The following FABP12 variants were observed in gnomAD, a reference collection of about 807,000 sequenced individuals.
The protein encoded by FABP12 is fatty acid-binding protein 12.
Under a neutral mutation model 13.7 loss-of-function variants are expected in FABP12, and 19 were observed. The observed-to-expected ratio is 1.39, with a 90% CI of 0.97 to 2.04. The LOEUF (loss-of-function observed/expected upper bound fraction) is 2.04, where lower values mean the gene tolerates loss of function less well. Among genes scored for constraint, FABP12 ranks in the 30% most tolerant of loss-of-function variants. The pLI is 0.00. For missense variants in FABP12, 182 were observed against 164.2 expected (o/e 1.11, Z -0.59); for synonymous variants, 61 against 57.0 (o/e 1.07, Z -0.32).
At chr8:81,576,031 T>A (rs1810039148) in intron 1 of FABP12, among the ~76,000 whole-genome samples, 1 of 152,212 alleles carries the variant, frequency 6.6e-6, no homozygotes, top group Non-Finnish European at 1.5e-5. Context: ...AAACAAAACA[T>A]CTTAGCTGAT....
At chr8:81,550,749 A>T (rs946744837) in intron 1 of FABP12, among the ~76,000 whole-genome samples, 6 of 152,212 alleles carry the variant, frequency 3.9e-5, no homozygotes, top group African/African-American at 1.4e-4. Flanking sequence ...GGAGAGTCAG[A>T]AAAATTACCA....
At chr8:81,563,167 G>A (rs1158130976) in intron 1 of FABP12, among the ~76,000 whole-genome samples, 2 of 152,310 alleles carry the variant, frequency 1.3e-5, no homozygotes, top group East Asian at 1.9e-4. Context: ...TCTTATCCAA[G>A]TCCACCAAGG....
intron 1 of FABP12, among the ~76,000 whole-genome samples, chr8:81,579,348 T>TC (rs1563558746): frequency 6.6e-6 from 1 of 152,140 alleles, no homozygotes; most frequent in East Asian, 1.9e-4. Flanking sequence ...GGAGATATCC[T>TC]CTTTAGATAA....
rs75532469 is a variant in FABP12, at chr8:81,549,481, T to C, written c.-184-9738A>G. Among the ~76,000 whole-genome samples, 1,103 of 152,296 alleles carry C rather than the reference T, an allele frequency of 7.2e-3. 22 individuals carry two copies. Among genetic ancestry groups the C allele is most frequent in the African/African-American group, 0.025 (1,054 of 41,568 alleles). ...ACAGAGCAAACACCAGTGTATAGCG[T>C]TGGTCAATCCCAGTTGTTCTTTTCT... On this transcript the variant is annotated intron_variant, in intron 1 of 5. Coordinates refer to the FABP12 transcript ENST00000692030.
intron 1 of FABP12, among the ~76,000 whole-genome samples, chr8:81,571,136 G>T (rs940628765): frequency 1.3e-5 from 2 of 152,212 alleles, no homozygotes; most frequent in African/African-American, 4.8e-5. Context: ...GCATGAACAC[G>T]CTAGGCCAGG....
chr8:81,545,071 A>T (rs755491891), intron 1 of FABP12, among the ~76,000 whole-genome samples: 1 of 152,096 alleles, frequency 6.6e-6, no homozygotes, highest in Non-Finnish European at 1.5e-5. Context: ...CCCAGGCTGG[A>T]GTGCAATGGT....
intron 1 of FABP12, among the ~76,000 whole-genome samples, chr8:81,564,459 A>G (rs1486430702): frequency 6.6e-6 from 1 of 152,140 alleles, no homozygotes; most frequent in African/African-American, 2.4e-5. Flanking sequence ...AGATAAACCA[A>G]CAAAAATAAC....
In FABP12 at chr8:81,526,955, A is replaced by G. The variant is rs74730211; in HGVS notation, c.348+65T>C. On this transcript the variant is annotated intron_variant, in intron 4 of 4. Coordinates refer to ENST00000360464, the Ensembl canonical transcript of FABP12. Reference sequence around the variant, plus strand: ...TGGCATTCATTTTCATTGTTTGAGAACAAGTTGTGATTTTATATTAGTCGT... The same window carrying G: ...TGGCATTCATTTTCATTGTTTGAGAGCAAGTTGTGATTTTATATTAGTCGT... 2,334 of 909,326 alleles carry G rather than the reference A, an allele frequency of 2.6e-3. 29 individuals are homozygous for G. The African/African-American group carries it at 0.033, about 13-fold the overall frequency. The allele number at this position is 909,326 out of a possible 1,614,324, so 56.3% of individuals were successfully genotyped here. A position where few individuals can be genotyped will look rare whatever the true frequency, so the allele number is the denominator to read the frequency against.
At chr8:81,583,548 T>C (rs945270743) in intron 1 of FABP12, among the ~76,000 whole-genome samples, 4 of 152,046 alleles carry the variant, frequency 2.6e-5, no homozygotes, top group Admixed American at 1.3e-4. Flanking sequence ...AAGAGCATCA[T>C]AGATTATTAT....
At chr8:81,525,174 T>C in intron 4 of FABP12, 54 bp from the exon 5 acceptor site, 1 of 1,212,916 alleles carries the variant, frequency 8.2e-7, no homozygotes, top group South Asian at 1.3e-5. Context: ...AAATTAACAT[T>C]TAGAAAAGTG....
chr8:81,584,456 C>G (rs1411239320), intron 1 of FABP12, among the ~76,000 whole-genome samples: 1 of 152,194 alleles, frequency 6.6e-6, no homozygotes, highest in Admixed American at 6.5e-5. Context: ...ACAGCAGATA[C>G]CTACAGTTTT....
At chr8:81,536,502 T>G (rs74460938), upstream of FABP12, among the ~76,000 whole-genome samples, 1 of 152,186 alleles carries the variant, frequency 6.6e-6, no homozygotes, top group Non-Finnish European at 1.5e-5. Flanking sequence ...TCTGTAGATA[T>G]TGGCATGCAA....
exon 5 of FABP12, chr8:81,525,033 G>A (rs1479547129): frequency 6.4e-7 from 1 of 1,569,856 alleles, no homozygotes; most frequent in Middle Eastern, 1.7e-4. Flanking sequence ...TTGGATGACA[G>A]CTTGAGAAAG....
chr8:81,555,472 A>G (rs1456736716), intron 1 of FABP12, among the ~76,000 whole-genome samples: 1 of 152,246 alleles, frequency 6.6e-6, no homozygotes, highest in African/African-American at 2.4e-5. Context: ...AAAAATTTAC[A>G]ATAAGATACT....
intron 1 of FABP12, among the ~76,000 whole-genome samples, chr8:81,559,578 C>A (rs1304036837): frequency 6.6e-6 from 1 of 152,136 alleles, no homozygotes; most frequent in African/African-American, 2.4e-5. Flanking sequence ...TGCCATGAGT[C>A]TAGTTTTCTG....
At chr8:81,540,395 C>G (rs1437310885) in intron 1 of FABP12, among the ~76,000 whole-genome samples, 4 of 152,200 alleles carry the variant, frequency 2.6e-5, no homozygotes, top group Admixed American at 2.0e-4. Flanking sequence ...AGTTTAATAT[C>G]CCCAGTGTAA....
intron 4 of FABP12, chr8:81,526,353 T>C (rs1808898496): frequency 6.6e-6 from 1 of 152,148 alleles, no homozygotes; most frequent in Non-Finnish European, 1.5e-5. Flanking sequence ...TGGGAAACCA[T>C]CTGAAAGGGA....
At chr8:81,539,340 AATAATAATT>A (rs1281543575) in intron 2 of FABP12, among the ~76,000 whole-genome samples, 1 of 150,420 alleles carries the variant, frequency 6.6e-6, no homozygotes, top group Non-Finnish European at 1.5e-5. Context: ...TAAAAGGCTG[AATAATAATT>A]ATAATAATTA....
chr8:81,588,918 T>A (rs143506856), intron 1 of FABP12, among the ~76,000 whole-genome samples: 1 of 152,182 alleles, frequency 6.6e-6, no homozygotes, highest in Non-Finnish European at 1.5e-5. Context: ...AACTTAGAAG[T>A]GAATCACGGG....
Sources: gnomAD v4.1 joint callset for allele counts (sites outside exome capture counted in the v4.1 genomes callset) on GRCh38, gnomAD v4.1.1 for gene constraint, MANE v1.5 for transcripts, NCBI Gene and HGNC (gene_info 2026-07-23, HGNC 2026-07-21) for gene names.